The following GEMIN2 variants were observed in gnomAD, a reference collection of about 807,000 sequenced individuals.
GEMIN2 encodes gem-associated protein 2.
Under a neutral mutation model 45.8 loss-of-function variants are expected in GEMIN2, and 37 were observed. That is an observed-to-expected ratio of 0.81 (90% CI 0.62 to 1.06). The LOEUF (loss-of-function observed/expected upper bound fraction) is 1.06, where lower values mean the gene tolerates loss of function less well. Ranked by LOEUF, GEMIN2 falls within the 50% of genes least tolerant of loss-of-function variation. The probability of loss-of-function intolerance (pLI) is 0.00; values close to 1 mark genes in which losing one functional copy is unlikely to be tolerated. For synonymous variants in GEMIN2, 101 were observed against 111.5 expected (o/e 0.91, Z 0.60); for missense variants, 335 against 321.8 (o/e 1.04, Z -0.31).
chr14:39,123,722 T>A (rs1182121452), intron 5 of GEMIN2, among the ~76,000 whole-genome samples: 1 of 100,060 alleles, frequency 1.0e-5, no homozygotes, highest in Non-Finnish European at 2.0e-5. Context: ...TTTTTTTTTT[T>A]TTTTTTTTTT....
At chr14:39,130,081 G>A (rs1314458627) in intron 7 of GEMIN2, among the ~76,000 whole-genome samples, 1 of 150,900 alleles carries the variant, frequency 6.6e-6, no homozygotes, top group Non-Finnish European at 1.5e-5. Flanking sequence ...GCTGGGACAA[G>A]TGTAGAGAAT....
rs11844696 is a variant in GEMIN2 at position 39,134,054 on chromosome 14, C to T, written c.770+335C>T. 269 of 164,784 alleles carry T rather than the reference C, an allele frequency of 1.6e-3. 1 individual carries two copies. Among genetic ancestry groups the T allele is most frequent in the African/African-American group, 6.0e-3 (253 of 42,024 alleles). The allele number at this position is 164,784 out of a possible 1,614,324, so 10.2% of individuals were successfully genotyped here. ...TCAAGCGATCCTCCCACCTAAGCCT[C>T]CGAAAGTGCAGGGATTACAGGTGTA... On this transcript the variant is annotated intron_variant, in intron 9 of 9. Transcript: ENST00000308317.
rs35142656 is a variant in GEMIN2, at chr14:39,115,456, C to CTTTT, written c.222+559_222+562dup. ...AGAATAGAAACCCAGATGTCTTACA[C>CTTTT]TTTTTTTTTTTTTTTTTTTGAGACA... On this transcript the variant is annotated intron_variant, in intron 2 of 9. Coordinates refer to ENST00000308317, the MANE Select transcript of GEMIN2 (RefSeq NM_003616.3). Among the ~76,000 whole-genome samples, 1,037 of 123,786 alleles carry CTTTT rather than the reference C, an allele frequency of 8.4e-3. 43 individuals carry two copies. The highest frequency in any genetic ancestry group is 0.028 in the African/African-American group (902 of 32,162). 81.2% of individuals were successfully genotyped at this position (123,786 alleles called of 152,430 possible). A position where few individuals can be genotyped will look rare whatever the true frequency, so the allele number is the denominator to read the frequency against.
At chr14:39,134,870 C>A (rs2052763189) in intron 9 of GEMIN2, among the ~76,000 whole-genome samples, 1 of 152,200 alleles carries the variant, frequency 6.6e-6, no homozygotes. Context: ...CTAATACCTA[C>A]CTCATCTGTT....
intron 8 of GEMIN2, among the ~76,000 whole-genome samples, chr14:39,133,008 A>ATGTG (rs1271818920): frequency 9.3e-4 from 63 of 67,806 alleles, no homozygotes; most frequent in African/African-American, 1.4e-3. Context: ...GTGTATATAT[A>ATGTG]TGTGTGTGTG....
intron 7 of GEMIN2, among the ~76,000 whole-genome samples, chr14:39,131,553 A>G (rs188958366): frequency 6.6e-6 from 1 of 152,324 alleles, no homozygotes; most frequent in African/African-American, 2.4e-5. Flanking sequence ...GTTTCTTTGT[A>G]TGTCCCCAGA....
chr14:39,131,619 A>T (rs1014231409), intron 7 of GEMIN2, among the ~76,000 whole-genome samples: 1 of 152,224 alleles, frequency 6.6e-6, no homozygotes, highest in African/African-American at 2.4e-5. Flanking sequence ...CAGAACAAAG[A>T]AAAAAATGTA....
intron 5 of GEMIN2, 40 bp downstream of exon 5, chr14:39,122,583 AT>A: frequency 9.3e-7 from 1 of 1,075,482 alleles, no homozygotes; most frequent in Non-Finnish European, 1.4e-6. Flanking sequence ...AAGCATTTTA[AT>A]TTTGGTGCAC....
chr14:39,129,140 T>G (rs973798020), intron 7 of GEMIN2, among the ~76,000 whole-genome samples: 4 of 152,042 alleles, frequency 2.6e-5, no homozygotes, highest in Non-Finnish European at 5.9e-5. Flanking sequence ...AAATATATGG[T>G]TTTTTTGGAT....
At chr14:39,128,380 A>C (rs1368717437) in intron 7 of GEMIN2, 32 bp downstream of exon 7, 4 of 1,248,930 alleles carry the variant, frequency 3.2e-6, no homozygotes, top group Non-Finnish European at 4.7e-6. Flanking sequence ...TTCATAATGT[A>C]GGCAAAAATT....
chr14:39,124,843 A>C, intron 5 of GEMIN2, 149 bp from the exon 6 acceptor site: 1 of 561,338 alleles, frequency 1.8e-6, no homozygotes, highest in Non-Finnish European at 3.2e-6. Context: ...AGTTTCCGGA[A>C]TGTCTCATTG....
chr14:39,117,475 T>C (rs1300722380), intron 2 of GEMIN2, among the ~76,000 whole-genome samples: 1 of 152,204 alleles, frequency 6.6e-6, no homozygotes, highest in African/African-American at 2.4e-5. Context: ...TGTATAATAA[T>C]CAGTAATTAG....
intron 8 of GEMIN2, among the ~76,000 whole-genome samples, chr14:39,133,279 CAT>C (rs2052743655): frequency 7.4e-6 from 1 of 135,762 alleles, no homozygotes; most frequent in African/African-American, 2.7e-5. Flanking sequence ...TATATGAATA[CAT>C]ATTCACTACA....
At chr14:39,125,460 A>G (rs762053095) in intron 6 of GEMIN2, among the ~76,000 whole-genome samples, 1 of 151,958 alleles carries the variant, frequency 6.6e-6, no homozygotes, top group African/African-American at 2.4e-5. Context: ...TTTTCCCACC[A>G]TGCCTGGCTA....
At chr14:39,115,199 T>G (rs1160034409) in intron 2 of GEMIN2, among the ~76,000 whole-genome samples, 2 of 150,628 alleles carry the variant, frequency 1.3e-5, no homozygotes, top group Non-Finnish European at 3.0e-5. Flanking sequence ...TTATCTTTTA[T>G]TTTTTGCTTG....
intron 8 of GEMIN2, among the ~76,000 whole-genome samples, chr14:39,133,079 A>G (rs2052740626): frequency 7.5e-6 from 1 of 133,820 alleles, no homozygotes; most frequent in Non-Finnish European, 1.7e-5. Flanking sequence ...TAATGAATAT[A>G]TATAAGAACA....
At position 39,136,782 on chromosome 14, in the gene GEMIN2, TTTTG is replaced by T. The variant is rs1195201540; in HGVS notation, c.*307_*310del. On this transcript the variant is annotated 3_prime_UTR_variant, in exon 10 of 10. Transcript: ENST00000308317. ...GGTTCTTGGTGCTGTTTTGTTCTTT[TTTTG>T]TTTTTTGTTGTTTTGTTATTTACTT... 1 of 256,822 alleles carries T rather than the reference TTTTG, an allele frequency of 3.9e-6. No homozygotes were observed. Among genetic ancestry groups the T allele is most frequent in the African/African-American group, 2.2e-5 (1 of 44,644 alleles). 15.9% of individuals were successfully genotyped at this position (256,822 alleles called of 1,614,324 possible).
At chr14:39,115,519 C>T (rs1305635720) in intron 2 of GEMIN2, among the ~76,000 whole-genome samples, 2 of 135,958 alleles carry the variant, frequency 1.5e-5, no homozygotes, top group Non-Finnish European at 3.0e-5. Context: ...TGCAGTGGTG[C>T]GATCTCAGCT....
intron 6 of GEMIN2, among the ~76,000 whole-genome samples, chr14:39,128,001 G>A (rs561727507): frequency 2.0e-5 from 3 of 148,782 alleles, no homozygotes; most frequent in African/African-American, 7.4e-5. Flanking sequence ...CCGGGAGGCG[G>A]AGGTTGCAGT....
Sources: allele counts gnomAD v4.1 joint callset (sites outside exome capture counted in the v4.1 genomes callset), GRCh38; gene constraint gnomAD v4.1.1; transcripts MANE v1.5; gene names NCBI Gene and HGNC (gene_info 2026-07-23, HGNC 2026-07-21).